CDKN2B-AS1: variants seen among roughly 807,000 people sequenced by gnomAD.
CDKN2B-AS1 encodes CDKN2B antisense RNA 1 (non-protein coding).
At chr9:22,062,574 C>T (rs1029574767) in intron 4 of CDKN2B-AS1, among the ~76,000 whole-genome samples, 10 of 152,122 alleles carry the variant, frequency 6.6e-5, no homozygotes, top group African/African-American at 2.2e-4. Context: ...CATTTCCTTA[C>T]ATGATTCCAA....
intron 4 of CDKN2B-AS1, among the ~76,000 whole-genome samples, chr9:22,090,287 T>TA (rs1825031310): frequency 6.6e-6 from 1 of 152,144 alleles, no homozygotes; most frequent in African/African-American, 2.4e-5. Flanking sequence ...ACAATAAACA[T>TA]ACGTGTGCAT....
rs144950773 is a variant in CDKN2B-AS1 at position 22,085,556 on chromosome 9, T to C, written n.438+29169T>C. On this transcript the variant is annotated intron_variant and non_coding_transcript_variant, in intron 4 of 4. Transcript: ENST00000650946. ...TAACACGGTGAAACCCCGTCTCTAC[T>C]AAAAAATACAAAAAATTAGCCAGGT... Among the ~76,000 whole-genome samples the C allele has an allele frequency of 2.7e-3, 405 of 151,962 alleles. 1 individual carries two copies. Among genetic ancestry groups the C allele is most frequent in the African/African-American group, 9.3e-3 (384 of 41,448 alleles).
chr9:22,081,859 C>T (rs1484119093), intron 4 of CDKN2B-AS1, among the ~76,000 whole-genome samples: 3 of 152,186 alleles, frequency 2.0e-5, no homozygotes, highest in African/African-American at 7.2e-5. Context: ...AGCTGGCTAT[C>T]ATCATCATTT....
chr9:22,043,426 A>G lies in CDKN2B-AS1; in HGVS notation n.30-3325A>G, dbSNP rs1822982232. The stretch of plus-strand genomic sequence containing the variant: ...TCAAAATCTATTCACACACACACAG[A>G]CACACATGCGCTGTTTTGATTTTCT... On this transcript the variant is annotated intron_variant and non_coding_transcript_variant, in intron 1 of 4. Coordinates refer to ENST00000650946, the Ensembl canonical transcript of CDKN2B-AS1. Among the ~76,000 whole-genome samples, 2 of 152,014 alleles carry G rather than the reference A, an allele frequency of 1.3e-5. 1 individual carries two copies. The highest frequency in any genetic ancestry group is 2.9e-5 in the Non-Finnish European group (2 of 67,966).
intron 1 of CDKN2B-AS1, among the ~76,000 whole-genome samples, chr9:22,015,160 T>C (rs1287962397): frequency 2.6e-5 from 4 of 152,134 alleles, no homozygotes; most frequent in Admixed American, 1.3e-4. Context: ...GTATTTCTAG[T>C]TCTAGATCCC....
chr9:22,075,168 G>A (rs1479406616), intron 4 of CDKN2B-AS1, among the ~76,000 whole-genome samples: 1 of 152,210 alleles, frequency 6.6e-6, no homozygotes, highest in Non-Finnish European at 1.5e-5. Flanking sequence ...GGTGACATGT[G>A]AGTAGTTGAG....
intron 1 of CDKN2B-AS1, among the ~76,000 whole-genome samples, chr9:22,027,210 C>A (rs1035630020): frequency 1.3e-5 from 2 of 151,262 alleles, no homozygotes; most frequent in African/African-American, 4.9e-5. Flanking sequence ...ACATGTTGAT[C>A]TACCGCTTCT....
intron 1 of CDKN2B-AS1, among the ~76,000 whole-genome samples, chr9:22,042,687 C>T (rs187091297): frequency 6.6e-6 from 1 of 151,964 alleles, no homozygotes; most frequent in Non-Finnish European, 1.5e-5. Context: ...AGTACTCAGA[C>T]CCAACAGTAA....
chr9:22,043,502 A>G (rs1404130795), intron 1 of CDKN2B-AS1, among the ~76,000 whole-genome samples: 1 of 151,990 alleles, frequency 6.6e-6, no homozygotes, highest in Non-Finnish European at 1.5e-5. Flanking sequence ...ATACTTGCCT[A>G]GATGAAGACT....
intron 1 of CDKN2B-AS1, among the ~76,000 whole-genome samples, chr9:22,033,234 A>G (rs1242874055): frequency 6.7e-6 from 1 of 149,828 alleles, no homozygotes; most frequent in African/African-American, 2.5e-5. Context: ...GTTGGGGACC[A>G]CCGCTGCACT....
At chr9:22,096,582 C>G (rs1825282547) in intron 4 of CDKN2B-AS1, 4 of 152,202 alleles carry the variant, frequency 2.6e-5, no homozygotes, top group Admixed American at 2.6e-4. Context: ...CCTGCAGTAG[C>G]TCCCAGTAGT....
chr9:22,005,106 C>T lies in CDKN2B-AS1; in HGVS notation n.29+9945C>T, dbSNP rs1177606388. ...GCAAGTCATAAGGGGATTTCCGCAT[C>T]CTAGCATGTGTGTGTGTGTGTGTGT... is the stretch of plus-strand genomic sequence containing the variant. On this transcript the variant is annotated intron_variant and non_coding_transcript_variant, in intron 1 of 4. Coordinates refer to ENST00000650946, the Ensembl canonical transcript of CDKN2B-AS1. The surrounding 1 kb of genome is among the most constrained non-coding windows in gnomAD (Gnocchi z 4.9). 1 of 204,814 alleles carries T rather than the reference C, an allele frequency of 4.9e-6. No homozygotes were observed. Among genetic ancestry groups the T allele is most frequent in the Admixed American group, 6.8e-5 (1 of 14,672 alleles). The allele number at this position is 204,814 out of a possible 1,614,324, so 12.7% of individuals were successfully genotyped here.
rs1276708017 is a variant in CDKN2B-AS1, at chr9:22,001,651, ACTGTGTTT to A, written n.29+6495_29+6502del. Reference sequence around the variant, plus strand: ...TTAATAGGGCCTATATGTGAAAGTTACTGTGTTTCTGTAAAATGAAGTATTCTTTTTCC... The same window carrying A: ...TTAATAGGGCCTATATGTGAAAGTTACTGTAAAATGAAGTATTCTTTTTCC... On this transcript the variant is annotated intron_variant and non_coding_transcript_variant, in intron 1 of 4. Coordinates refer to ENST00000650946, the Ensembl canonical transcript of CDKN2B-AS1. This position sits in a 1 kb window ranked among gnomAD's most constrained non-coding sequence, Gnocchi z 4.2. Among the ~76,000 whole-genome samples, 1 of 152,134 alleles carries A rather than the reference ACTGTGTTT, an allele frequency of 6.6e-6. No individual in the cohort carries two copies. The highest frequency in any genetic ancestry group is 1.5e-5 in the Non-Finnish European group (1 of 67,982).
chr9:22,093,764 CTT>C (rs1265914502), intron 4 of CDKN2B-AS1, among the ~76,000 whole-genome samples: 3 of 144,220 alleles, frequency 2.1e-5, no homozygotes, highest in Admixed American at 6.7e-5. Flanking sequence ...GGTCTTGACT[CTT>C]TATCCAATTT....
chr9:22,029,478 G>C, intron 1 of CDKN2B-AS1: 1 of 779,598 alleles, frequency 1.3e-6, no homozygotes, highest in South Asian at 1.3e-5. Context: ...GAGAATATTG[G>C]TGTCCATGCT....
In CDKN2B-AS1 at chr9:22,031,779, A is replaced by T. The variant is rs74599268; in HGVS notation, n.30-14972A>T. ...TGAGTATCTTGCTCATACCAATAGA[A>T]TATGGTAGTAGAGTAGAGGTCACCT... On this transcript the variant is annotated intron_variant and non_coding_transcript_variant, in intron 1 of 4. Transcript: ENST00000650946. Among the ~76,000 whole-genome samples the T allele has an allele frequency of 9.0e-3, 1,375 of 152,312 alleles. 111 individuals are homozygous for T. The East Asian group carries it at 0.2, about 22-fold the overall frequency.
chr9:22,035,526 G>A (rs1458974938), intron 1 of CDKN2B-AS1, among the ~76,000 whole-genome samples: 1 of 152,126 alleles, frequency 6.6e-6, no homozygotes, highest in Non-Finnish European at 1.5e-5. Flanking sequence ...ACTAGCCCTG[G>A]TGGCCCTGTG....
chr9:22,113,043 C>T (rs1410831902), intron 4 of CDKN2B-AS1, among the ~76,000 whole-genome samples: 1 of 152,142 alleles, frequency 6.6e-6, no homozygotes, highest in East Asian at 1.9e-4. Flanking sequence ...TTTTCTATTG[C>T]ATTATAACAA....
In CDKN2B-AS1 at chr9:22,083,358, T is replaced by C. The variant is rs73650044; in HGVS notation, n.438+26971T>C. Among the ~76,000 whole-genome samples the C allele has an allele frequency of 7.8e-3, 1,183 of 152,280 alleles. 17 individuals carry two copies. The highest frequency in any genetic ancestry group is 0.027 in the African/African-American group (1,111 of 41,546). ...GCAGGGGATGCAGAGTGCCCACTTA[T>C]GGAATGATTTCATTCAAGAGAGACA... On this transcript the variant is annotated intron_variant and non_coding_transcript_variant, in intron 4 of 4. Coordinates refer to ENST00000650946, the Ensembl canonical transcript of CDKN2B-AS1.
Sources: allele counts gnomAD v4.1 joint callset (sites outside exome capture counted in the v4.1 genomes callset), GRCh38; gene constraint gnomAD v4.1.1; non-coding constraint Gnocchi (gnomAD v3.1); transcripts MANE v1.5; gene names NCBI Gene and HGNC (gene_info 2026-07-23, HGNC 2026-07-21).